Variants in SUGCT observed in about 807,000 individuals in gnomAD.
SUGCT encodes the protein succinyl-CoA:glutarate CoA-transferase.
Under a neutral mutation model 55.0 loss-of-function variants are expected in SUGCT, and 41 were observed. That is an observed-to-expected ratio of 0.74 (90% CI 0.58 to 0.97). SUGCT has a LOEUF of 0.97. Among genes scored for constraint, SUGCT ranks in the 50% least tolerant of loss-of-function variants. The probability of loss-of-function intolerance (pLI) is 0.00; values close to 1 mark genes in which losing one functional copy is unlikely to be tolerated. For synonymous variants in SUGCT, 187 were observed against 200.4 expected (o/e 0.93, Z 0.56); for missense variants, 568 against 547.8 (o/e 1.04, Z -0.37).
At chr7:40,276,100 T>TA (rs1792457336) in intron 8 of SUGCT, among the ~76,000 whole-genome samples, 1 of 152,096 alleles carries the variant, frequency 6.6e-6, no homozygotes, top group African/African-American at 2.4e-5. Context: ...TATATAGAAA[T>TA]AAAAAACATC....
rs1175667533 is a variant in SUGCT, at chr7:40,285,320, C to T, written c.720+10664C>T. 5.3e-5 allele frequency among the ~76,000 whole-genome samples: 8 copies of T among 152,116 alleles called. No individual in the cohort carries two copies. In the East Asian group the frequency reaches 1.5e-3, roughly 29 times the overall value. Reference sequence around the variant, plus strand: ...GAATCATGAATTTAATGGACTATTCCTAAAGCTGTGTTTAATGATATCGGA... The same window carrying T: ...GAATCATGAATTTAATGGACTATTCTTAAAGCTGTGTTTAATGATATCGGA... On this transcript the variant is annotated intron_variant, in intron 8 of 13. Coordinates refer to ENST00000335693, the MANE Select transcript of SUGCT (RefSeq NM_001193313.2).
intron 12 of SUGCT, among the ~76,000 whole-genome samples, chr7:40,622,130 T>G (rs184856489): frequency 1.1e-3 from 168 of 152,330 alleles, no homozygotes; most frequent in African/African-American, 3.9e-3. Flanking sequence ...CATTTGGATG[T>G]GAGAGATCTT....
chr7:41,025,271 C>CA, the SUGCT span, among the ~76,000 whole-genome samples: 7 of 151,996 alleles, frequency 4.6e-5, no homozygotes, highest in Non-Finnish European at 8.8e-5. Flanking sequence ...AATATGCCAA[C>CA]ATTTATTAAA....
At chr7:40,968,114 C>T in the SUGCT span, 2 of 152,116 alleles carry the variant, frequency 1.3e-5, no homozygotes, top group African/African-American at 4.8e-5. Flanking sequence ...GAACAACGGA[C>T]CTGATGAGAT....
intron 9 of SUGCT, among the ~76,000 whole-genome samples, chr7:40,384,679 G>A (rs902676791): frequency 6.6e-6 from 1 of 152,052 alleles, no homozygotes; most frequent in Non-Finnish European, 1.5e-5. Flanking sequence ...AAGCAGCTGG[G>A]ATTACAGGTG....
At chr7:40,179,740 C>A (rs1785092791) in intron 1 of SUGCT, among the ~76,000 whole-genome samples, 1 of 152,224 alleles carries the variant, frequency 6.6e-6, no homozygotes, top group African/African-American at 2.4e-5. Context: ...AACTTCTCTC[C>A]ATGTGTTCTT....
intron 9 of SUGCT, among the ~76,000 whole-genome samples, chr7:40,329,719 C>T (rs1796209716): frequency 6.6e-6 from 1 of 151,880 alleles, no homozygotes; most frequent in African/African-American, 2.4e-5. Context: ...TTCCTTAGAC[C>T]CTTGTTGTCA....
At chr7:40,330,832 A>G (rs901773743) in intron 9 of SUGCT, among the ~76,000 whole-genome samples, 16 of 152,242 alleles carry the variant, frequency 1.1e-4, no homozygotes, top group Non-Finnish European at 1.9e-4. Flanking sequence ...TAAGGTCACC[A>G]TAGTAATTAC....
the SUGCT span, among the ~76,000 whole-genome samples, chr7:40,875,545 C>G: frequency 1.3e-5 from 2 of 152,188 alleles, no homozygotes; most frequent in South Asian, 4.1e-4. Flanking sequence ...TTAAGTACCA[C>G]TTTAGACAGC....
the SUGCT span, among the ~76,000 whole-genome samples, chr7:40,935,959 T>C: frequency 6.6e-6 from 1 of 152,164 alleles, no homozygotes; most frequent in African/African-American, 2.4e-5. Context: ...AGTAATATTT[T>C]CTGTGGTTTT....
intron 13 of SUGCT, among the ~76,000 whole-genome samples, chr7:40,778,023 C>T (rs1789551336): frequency 6.6e-6 from 1 of 152,214 alleles, no homozygotes; most frequent in South Asian, 2.1e-4. Flanking sequence ...ACCACCTTTC[C>T]ACTCTAGTGG....
intron 12 of SUGCT, among the ~76,000 whole-genome samples, chr7:40,527,634 A>G (rs1299640707): frequency 6.6e-6 from 1 of 152,206 alleles, no homozygotes; most frequent in African/African-American, 2.4e-5. Context: ...TTTTTGGATT[A>G]TGCCATTCAT....
the SUGCT span, among the ~76,000 whole-genome samples, chr7:40,989,303 A>C: frequency 6.6e-6 from 1 of 152,324 alleles, no homozygotes; most frequent in Non-Finnish European, 1.5e-5. Context: ...CAGTCCTCCC[A>C]AATTCTACCA....
intron 12 of SUGCT, among the ~76,000 whole-genome samples, chr7:40,685,329 C>G (rs1174199937): frequency 6.6e-6 from 1 of 152,234 alleles, no homozygotes; most frequent in East Asian, 1.9e-4. Context: ...AAAGATATTC[C>G]TCTTGGAGCC....
At chr7:40,388,992 T>C (rs1018002816) in intron 9 of SUGCT, among the ~76,000 whole-genome samples, 1 of 152,240 alleles carries the variant, frequency 6.6e-6, no homozygotes, top group Non-Finnish European at 1.5e-5. Context: ...TAGCTTTTCA[T>C]TGGCTAGTCA....
At chr7:40,349,985 G>A (rs1797529925) in intron 9 of SUGCT, among the ~76,000 whole-genome samples, 1 of 152,140 alleles carries the variant, frequency 6.6e-6, no homozygotes, top group African/African-American at 2.4e-5. Context: ...ACTGCACCCA[G>A]CTTTTCCTAT....
intron 12 of SUGCT, among the ~76,000 whole-genome samples, chr7:40,689,949 C>G (rs1784621846): frequency 6.6e-6 from 1 of 152,144 alleles, no homozygotes; most frequent in East Asian, 1.9e-4. Flanking sequence ...GATCAGTTCC[C>G]TATGTCAGAA....
chr7:40,649,524 G>T (rs917822353), intron 12 of SUGCT, among the ~76,000 whole-genome samples: 2 of 151,982 alleles, frequency 1.3e-5, no homozygotes, highest in African/African-American at 4.8e-5. Flanking sequence ...CTCTGGGGTG[G>T]TAGACTTAAT....
chr7:40,371,077 A>G (rs1225823211), intron 9 of SUGCT, among the ~76,000 whole-genome samples: 2 of 152,164 alleles, frequency 1.3e-5, no homozygotes, highest in Non-Finnish European at 2.9e-5. Context: ...CTTTCATGCT[A>G]AATGTTTTTA....
Sources: gnomAD v4.1 joint callset for allele counts (sites outside exome capture counted in the v4.1 genomes callset) on GRCh38, gnomAD v4.1.1 for gene constraint, MANE v1.5 for transcripts, NCBI Gene and HGNC (gene_info 2026-07-23, HGNC 2026-07-21) for gene names.